The following SLC7A2 variants were observed in gnomAD, a reference collection of about 807,000 sequenced individuals.
The protein encoded by SLC7A2 is solute carrier family 7 member 2.
In SLC7A2, 48 loss-of-function variants were observed where a neutral mutation model predicts 58.9. That is an observed-to-expected ratio of 0.82 (90% CI 0.65 to 1.04). The LOEUF (loss-of-function observed/expected upper bound fraction) is 1.04, where lower values mean the gene tolerates loss of function less well. Ranked by LOEUF, SLC7A2 falls within the 50% of genes least tolerant of loss-of-function variation. SLC7A2 has a pLI of 0.00. For synonymous variants in SLC7A2, 363 were observed against 314.5 expected (o/e 1.15, Z -1.63); for missense variants, 1,029 against 818.8 (o/e 1.26, Z -3.13).
rs567590645 is a variant in SLC7A2, at chr8:17,502,855, A to G, written c.-23+553A>G. 2.0e-5 allele frequency among the ~76,000 whole-genome samples: 3 copies of G among 152,208 alleles called. 1 individual carries two copies. In the South Asian group the frequency reaches 6.2e-4, roughly 32 times the overall value. On this transcript the variant is annotated intron_variant, in intron 2 of 12. Transcript: ENST00000494857. ...CTATAATACCATGATTGGTTCTTAC[A>G]TGGGCAGTAAATAGTATTCATTTTA...
intron 2 of SLC7A2, among the ~76,000 whole-genome samples, chr8:17,502,866 A>T (rs1174213878): frequency 6.6e-6 from 1 of 152,038 alleles, no homozygotes; most frequent in African/African-American, 2.4e-5. Context: ...TGGGCAGTAA[A>T]TAGTATTCAT....
At chr8:17,497,944 G>C (rs912832551) in intron 1 of SLC7A2, among the ~76,000 whole-genome samples, 2 of 152,314 alleles carry the variant, frequency 1.3e-5, no homozygotes, top group East Asian at 3.9e-4. Flanking sequence ...CGTTCAGAAA[G>C]TACCTTTTCA....
At chr8:17,517,907 T>C (rs1182469825) in intron 2 of SLC7A2, among the ~76,000 whole-genome samples, 1 of 152,092 alleles carries the variant, frequency 6.6e-6, no homozygotes, top group Non-Finnish European at 1.5e-5. Context: ...GCATGGAGTT[T>C]GGAGCCACAC....
At chr8:17,529,189 G>A (rs923306990) in intron 2 of SLC7A2, among the ~76,000 whole-genome samples, 1 of 152,184 alleles carries the variant, frequency 6.6e-6, no homozygotes, top group Admixed American at 6.5e-5. Context: ...GCTGCACTCT[G>A]TTCAGTAGCA....
rs531331124 is a variant in SLC7A2 at position 17,545,595 on chromosome 8, A to G, written c.532+989A>G. On this transcript the variant is annotated intron_variant, in intron 4 of 12. Transcript: ENST00000494857. ...GTATTTTTAGTAGAGACGGGGTTTC[A>G]CTATGTTGGCCAGGCTGGTCTCAAA... Among the ~76,000 whole-genome samples, 89 of 151,686 alleles carry G rather than the reference A, an allele frequency of 5.9e-4. 1 individual carries two copies. The highest frequency in any genetic ancestry group is 2.0e-3 in the African/African-American group (84 of 41,372).
At chr8:17,527,341 T>G (rs1801260510) in intron 2 of SLC7A2, among the ~76,000 whole-genome samples, 1 of 152,202 alleles carries the variant, frequency 6.6e-6, no homozygotes, top group African/African-American at 2.4e-5. Context: ...ATTCATTCAT[T>G]GGACAAATGT....
intron 1 of SLC7A2, chr8:17,500,115 T>A (rs780585354): frequency 6.6e-6 from 1 of 152,222 alleles, no homozygotes; most frequent in Non-Finnish European, 1.5e-5. Flanking sequence ...TATGTTTACA[T>A]TTGGGGAACT....
rs982476822 is a variant in SLC7A2 at position 17,564,819 on chromosome 8, C to T, written c.1781-131C>T. On this transcript the variant is annotated intron_variant, in intron 12 of 12. Transcript: ENST00000494857. ...TGGTCTGTGGCCCAGGGGTTGGTGA[C>T]CCCCGTTCTAAAGTACTACAGAAAG... 6.8e-6 allele frequency: 5 copies of T among 732,200 alleles called. No individual in the cohort carries two copies. The African/African-American group carries it at 7.1e-5, about 10-fold the overall frequency. 45.4% of individuals were successfully genotyped at this position (732,200 alleles called of 1,614,324 possible).
chr8:17,561,002 G>A (rs551638812), intron 10 of SLC7A2, among the ~76,000 whole-genome samples: 2 of 152,192 alleles, frequency 1.3e-5, no homozygotes, highest in African/African-American at 4.8e-5. Context: ...GATGCCAAGA[G>A]AGACGGTCCG....
intron 2 of SLC7A2, among the ~76,000 whole-genome samples, chr8:17,521,786 G>T (rs914349439): frequency 2.0e-5 from 3 of 152,236 alleles, no homozygotes; most frequent in Admixed American, 1.3e-4. Context: ...TGCATTGCTA[G>T]CATACAGCCA....
intron 2 of SLC7A2, among the ~76,000 whole-genome samples, chr8:17,509,044 G>A (rs1024750280): frequency 6.6e-6 from 1 of 152,128 alleles, no homozygotes; most frequent in Non-Finnish European, 1.5e-5. Context: ...TACTAAAGTG[G>A]AGGCAGCTCT....
chr8:17,522,504 C>G (rs761892059), intron 2 of SLC7A2, among the ~76,000 whole-genome samples: 2 of 152,116 alleles, frequency 1.3e-5, no homozygotes, highest in Admixed American at 6.6e-5. Context: ...CTGATAAGTA[C>G]CTGGGGACAG....
chr8:17,516,812 G>A (rs903067108), intron 2 of SLC7A2, among the ~76,000 whole-genome samples: 6 of 152,206 alleles, frequency 3.9e-5, no homozygotes, highest in Non-Finnish European at 8.8e-5. Flanking sequence ...AAACATGGAT[G>A]CCAAGTATCC....
At chr8:17,557,696 C>A (rs573295064) in intron 8 of SLC7A2, among the ~76,000 whole-genome samples, 1 of 151,938 alleles carries the variant, frequency 6.6e-6, no homozygotes, top group Non-Finnish European at 1.5e-5. Flanking sequence ...GGTGTGGTGG[C>A]GCACGCCTGT....
intron 2 of SLC7A2, among the ~76,000 whole-genome samples, chr8:17,533,094 A>C (rs963673019): frequency 6.6e-6 from 1 of 152,166 alleles, no homozygotes; most frequent in African/African-American, 2.4e-5. Context: ...GCTCTGAATC[A>C]TGAAGAACCA....
At chr8:17,540,170 T>C (rs1191320800) in intron 2 of SLC7A2, among the ~76,000 whole-genome samples, 1 of 152,200 alleles carries the variant, frequency 6.6e-6, no homozygotes, top group Non-Finnish European at 1.5e-5. Flanking sequence ...TGTTTAAAAA[T>C]GACTCATTAA....
intron 7 of SLC7A2, 92 bp from the exon 8 acceptor site, chr8:17,554,468 A>C (rs747947949): frequency 1.9e-6 from 2 of 1,028,862 alleles, no homozygotes; most frequent in African/African-American, 3.2e-5. Flanking sequence ...TACAACTGTC[A>C]TGCTGAATAT....
intron 2 of SLC7A2, among the ~76,000 whole-genome samples, chr8:17,524,246 A>G (rs749002748): frequency 1.1e-4 from 16 of 152,234 alleles, no homozygotes; most frequent in Non-Finnish European, 2.2e-4. Context: ...CAGCAGTCCC[A>G]CTACTAGGTA....
Position 17,543,596 on chromosome 8 carries a change from A to C in SLC7A2, c.257A>C (p.Tyr86Ser). 6.2e-7 allele frequency: 1 copy of C among 1,607,166 alleles called. No individual in the cohort carries two copies. Among genetic ancestry groups the C allele is most frequent in the Non-Finnish European group, 8.5e-7 (1 of 1,176,666 alleles). ...GCTTCAGTGATGGCTGGCCTCTGCT[A>C]TGCCGAATTTGGGGCCCGTGTTCCC... is the stretch of plus-strand genomic sequence containing the variant. ...ALASVMAGLC[Y>S]AEFGARVPKT... is the part of the protein sequence containing the mutation. Residue 86 changes from tyrosine (Y) to serine (S), a missense_variant, in exon 3 of 13, where the codon TAT (tyrosine) becomes TCT (serine). By Grantham distance (144) the Tyr-to-Ser change is moderately radical. Transcript: ENST00000494857.
Sources: gnomAD v4.1 joint callset for allele counts (sites outside exome capture counted in the v4.1 genomes callset) on GRCh38, gnomAD v4.1.1 for gene constraint, MANE v1.5 for transcripts, NCBI Gene and HGNC (gene_info 2026-07-23, HGNC 2026-07-21) for gene names.